WDFY3: variants seen among roughly 807,000 people sequenced by gnomAD.
WDFY3 encodes the protein WD repeat and FYVE domain-containing protein 3.
In WDFY3, 66 loss-of-function variants were observed where a neutral mutation model predicts 409.6. The ratio of observed to expected loss-of-function variants is 0.16; its 90% CI spans 0.13 to 0.20. WDFY3 has a LOEUF of 0.20. Ranked by LOEUF, WDFY3 falls within the 10% of genes least tolerant of loss-of-function variation. The pLI, the probability that WDFY3 is intolerant of heterozygous loss-of-function variation, is 1.00. For missense variants in WDFY3, 3,031 were observed against 4,298.1 expected, an observed-to-expected ratio of 0.71 and a Z score of 8.24; for synonymous variants, 1,521 against 1,537.1, an observed-to-expected ratio of 0.99 and a Z score of 0.25.
intron 3 of WDFY3, among the ~76,000 whole-genome samples, chr4:84,882,075 T>G (rs1420919384): frequency 6.6e-6 from 1 of 152,176 alleles, no homozygotes; most frequent in Non-Finnish European, 1.5e-5. Flanking sequence ...GACAGCTCTT[T>G]GCTCTCTGTA....
At chr4:84,713,105 G>A in intron 51 of WDFY3, 54 bp downstream of exon 51, 5 of 1,571,514 alleles carry the variant, frequency 3.2e-6, no homozygotes, top group Non-Finnish European at 4.4e-6. Flanking sequence ...GTCCAGATAT[G>A]AATCATCCCA....
chr4:84,774,767 C>T, intron 29 of WDFY3, 53 bp downstream of exon 29: 1 of 1,538,634 alleles, frequency 6.5e-7, no homozygotes, highest in Non-Finnish European at 8.7e-7. Context: ...CCATCTTAAC[C>T]TCATTGGTAC....
At position 84,744,215 on chromosome 4, in the gene WDFY3, C is replaced by G. The variant is rs1316328580; in HGVS notation, c.5974-416G>C. On this transcript the variant is annotated intron_variant, in intron 36 of 67. Coordinates refer to ENST00000295888, the MANE Select transcript of WDFY3 (RefSeq NM_014991.6). The stretch of plus-strand genomic sequence containing the variant: ...TAAATACTTGACTATTATCACACCT[C>G]ACTTCCAAAAGAGATATGGTGGTTT... Among the ~76,000 whole-genome samples, 6 of 150,772 alleles carry G rather than the reference C, an allele frequency of 4.0e-5. No individual in the cohort carries two copies. The East Asian group carries it at 1.2e-3, about 29-fold the overall frequency.
chr4:84,766,435 T>C, intron 30 of WDFY3, 63 bp from the exon 31 acceptor site: 2 of 1,460,944 alleles, frequency 1.4e-6, no homozygotes, highest in Non-Finnish European at 1.8e-6. Context: ...ATTTACAACA[T>C]AGTTCTTGGA....
intron 2 of WDFY3, among the ~76,000 whole-genome samples, chr4:84,914,913 G>A (rs867296031): frequency 3.9e-5 from 6 of 152,282 alleles, no homozygotes; most frequent in South Asian, 4.1e-4. Context: ...ATAGTGAAAG[G>A]TGTTAATGAC....
chr4:84,820,292 C>T (rs942413627), intron 11 of WDFY3, 106 bp from the exon 12 acceptor site: 2 of 872,022 alleles, frequency 2.3e-6, no homozygotes, highest in Non-Finnish European at 3.5e-6. Context: ...TCAGTTTTAC[C>T]CCTAATAGGA....
At chr4:84,833,339 C>T (rs1165795219) in intron 7 of WDFY3, among the ~76,000 whole-genome samples, 1 of 152,046 alleles carries the variant, frequency 6.6e-6, no homozygotes, top group African/African-American at 2.4e-5. Flanking sequence ...ATTTTATTCT[C>T]TTGAAAAAGA....
At chr4:84,915,408 A>C (rs1768353418) in intron 2 of WDFY3, among the ~76,000 whole-genome samples, 1 of 152,210 alleles carries the variant, frequency 6.6e-6, no homozygotes, top group Admixed American at 6.5e-5. Context: ...ATTTGATCTA[A>C]AGTCTATCAC....
chr4:84,717,951 G>A (rs1233832488), intron 48 of WDFY3, among the ~76,000 whole-genome samples: 3 of 150,594 alleles, frequency 2.0e-5, no homozygotes, highest in Admixed American at 1.3e-4. Flanking sequence ...GGGAGGCTGA[G>A]GCAGGAGAAT....
At chr4:84,871,925 T>G (rs553151837) in intron 3 of WDFY3, among the ~76,000 whole-genome samples, 2 of 152,238 alleles carry the variant, frequency 1.3e-5, no homozygotes, top group African/African-American at 4.8e-5. Flanking sequence ...TGAGCCATCA[T>G]GCCTAGCTTT....
chr4:84,709,107 T>C (rs1361982129), intron 52 of WDFY3, 79 bp from the exon 53 acceptor site: 2 of 1,558,634 alleles, frequency 1.3e-6, no homozygotes, highest in African/African-American at 2.7e-5. Flanking sequence ...ATATACAAAA[T>C]GATGTAAAGG....
At chr4:84,827,030 C>A (rs1160012082) in intron 9 of WDFY3, 49 bp from the exon 10 acceptor site, 1 of 1,568,462 alleles carries the variant, frequency 6.4e-7, no homozygotes, top group South Asian at 1.2e-5. Context: ...TGGTTGTGTT[C>A]TCAGATTTAA....
intron 48 of WDFY3, among the ~76,000 whole-genome samples, chr4:84,717,309 G>A (rs958350305): frequency 1.3e-5 from 2 of 152,070 alleles, no homozygotes; most frequent in Non-Finnish European, 2.9e-5. Flanking sequence ...CCAAGAAAAT[G>A]TCTTAATTTC....
At chr4:84,731,903 T>C (rs1006151460) in intron 44 of WDFY3, among the ~76,000 whole-genome samples, 19 of 152,244 alleles carry the variant, frequency 1.2e-4, no homozygotes, top group African/African-American at 4.3e-4. Flanking sequence ...TTTAGTATTC[T>C]TGAATGGATT....
chr4:84,700,172 G>T (rs1032251812), intron 56 of WDFY3, among the ~76,000 whole-genome samples: 1 of 151,990 alleles, frequency 6.6e-6, no homozygotes, highest in Non-Finnish European at 1.5e-5. Flanking sequence ...CATAAGAGTC[G>T]TATGATTTTA....
At chr4:84,803,528 G>C in intron 15 of WDFY3, 61 bp from the exon 16 acceptor site, 2 of 1,523,706 alleles carry the variant, frequency 1.3e-6, no homozygotes, top group Middle Eastern at 3.5e-4. Flanking sequence ...TTCCTCTTCA[G>C]TTACTTTCAT....
At chr4:84,872,118 T>C (rs1762207574) in intron 3 of WDFY3, among the ~76,000 whole-genome samples, 2 of 152,098 alleles carry the variant, frequency 1.3e-5, no homozygotes, top group Admixed American at 6.6e-5. Flanking sequence ...AAGTGTCATA[T>C]GAAGGCAGAT....
In WDFY3 at chr4:84,786,033, C is replaced by A; in HGVS notation, c.4008G>T (p.Val1336=). ...TGTTATACACTTTCCGGATTCTTGC[C>A]ACTGTTAGAGACGACACAGAGAGTG... ...LYALSVSSLT[V]ARIRKVYNKL... Residue 1336 remains valine, a synonymous_variant, in exon 24 of 68, where the codon GTG becomes GTT. Coordinates refer to ENST00000295888, the MANE Select transcript of WDFY3 (RefSeq NM_014991.6). The A allele has an allele frequency of 1.9e-6, 3 of 1,613,876 alleles. No individual in the cohort carries two copies. The highest frequency in any genetic ancestry group is 8.5e-7 in the Non-Finnish European group (1 of 1,179,898).
At position 84,850,144 on chromosome 4, in the gene WDFY3, A is replaced by C; in HGVS notation, c.181-119T>G. The C allele has an allele frequency of 2.9e-6, 3 of 1,040,916 alleles. No individual in the cohort carries two copies. The South Asian group carries it at 5.7e-5, about 20-fold the overall frequency. The allele number at this position is 1,040,916 out of a possible 1,614,324, so 64.5% of individuals were successfully genotyped here. A position where few individuals can be genotyped will look rare whatever the true frequency, so the allele number is the denominator to read the frequency against. ...TCCAGAAAAGTCTACCTACACAGTT[A>C]CTTTGAATCTTAATATGTTGAAAAT... On this transcript the variant is annotated intron_variant, in intron 4 of 67. Transcript: ENST00000295888.
Sources: allele counts gnomAD v4.1 joint callset (sites outside exome capture counted in the v4.1 genomes callset), GRCh38; gene constraint gnomAD v4.1.1; transcripts MANE v1.5; gene names NCBI Gene and HGNC (gene_info 2026-07-23, HGNC 2026-07-21).